Variants in ANKRD12 observed in about 807,000 individuals in gnomAD.
ANKRD12 encodes the protein ankyrin repeat domain 12, also known as ankyrin repeat domain-containing protein 12.
In ANKRD12, 85 loss-of-function variants were observed where a neutral mutation model predicts 183.4. The observed-to-expected ratio is 0.46, with a 90% CI of 0.39 to 0.56. ANKRD12 has a LOEUF of 0.56. ANKRD12 is among the 20% of genes least tolerant of loss of function. ANKRD12 has a pLI of 0.00. For missense variants in ANKRD12, 2,405 were observed against 2,357.1 expected, an observed-to-expected ratio of 1.02 and a Z score of -0.42; for synonymous variants, 914 against 800.2, an observed-to-expected ratio of 1.14 and a Z score of -2.40.
At chr18:9,175,623 G>A (rs529573324) in intron 1 of ANKRD12, among the ~76,000 whole-genome samples, 1 of 136,248 alleles carries the variant, frequency 7.3e-6, no homozygotes, top group East Asian at 2.3e-4. Flanking sequence ...TGCCTTGCTG[G>A]TTCAAGCAGT....
rs577562202 is a variant in ANKRD12, at chr18:9,284,374, AATAC to A, written c.*3252_*3255del. ...ATTTTAGAAATTGAGTGCAGACCTA[AATAC>A]ATAGTTTTCCAAAAAGAAAATTATT... On this transcript the variant is annotated 3_prime_UTR_variant, in exon 13 of 13. Coordinates refer to ENST00000262126, the MANE Select transcript of ANKRD12 (RefSeq NM_015208.5). 3 of 152,156 alleles carry A rather than the reference AATAC, an allele frequency of 2.0e-5. No homozygotes were observed. The highest frequency in any genetic ancestry group is 4.4e-5 in the Non-Finnish European group (3 of 68,016). The allele number at this position is 152,156 out of a possible 1,614,324, so 9.4% of individuals were successfully genotyped here. A position where few individuals can be genotyped will look rare whatever the true frequency, so the allele number is the denominator to read the frequency against.
intron 1 of ANKRD12, 45 bp from the exon 2 acceptor site, chr18:9,182,335 CTA>C: frequency 7.5e-6 from 5 of 663,342 alleles, no homozygotes; most frequent in Admixed American, 3.7e-5. Context: ...GGTGCGTAAC[CTA>C]TTGTATATAT....
intron 10 of ANKRD12, among the ~76,000 whole-genome samples, chr18:9,267,522 C>A (rs1460641212): frequency 6.6e-6 from 1 of 152,162 alleles, no homozygotes; most frequent in Non-Finnish European, 1.5e-5. Flanking sequence ...TGACTGACTA[C>A]TGGGTACATA....
chr18:9,200,651 C>G (rs1184234676), intron 3 of ANKRD12: 2 of 152,144 alleles, frequency 1.3e-5, no homozygotes, highest in African/African-American at 4.8e-5. Context: ...CTTTGTAAGT[C>G]CCAGCTTCCT....
chr18:9,223,181 G>A (rs1200189319), intron 8 of ANKRD12, among the ~76,000 whole-genome samples: 2 of 152,086 alleles, frequency 1.3e-5, no homozygotes, highest in Non-Finnish European at 2.9e-5. Flanking sequence ...CGCTTTGGGA[G>A]GCCAATGTGG....
chr18:9,192,955 A>T (rs942661790), intron 2 of ANKRD12, among the ~76,000 whole-genome samples: 2 of 151,918 alleles, frequency 1.3e-5, no homozygotes, highest in African/African-American at 2.4e-5. Context: ...GAGCATTGGG[A>T]TTACAGATTT....
intron 1 of ANKRD12, among the ~76,000 whole-genome samples, chr18:9,155,794 AC>A (rs1172393315): frequency 6.6e-6 from 1 of 151,712 alleles, no homozygotes; most frequent in African/African-American, 2.4e-5. Flanking sequence ...GATTTGTTAT[AC>A]CTCTTGGATT....
At chr18:9,278,897 C>T (rs1278591210) in intron 11 of ANKRD12, among the ~76,000 whole-genome samples, 1 of 152,004 alleles carries the variant, frequency 6.6e-6, no homozygotes, top group Non-Finnish European at 1.5e-5. Flanking sequence ...TTCCTGTGTA[C>T]CTAAGCATTA....
chr18:9,190,634 C>G (rs915254442), intron 2 of ANKRD12, among the ~76,000 whole-genome samples: 3 of 152,118 alleles, frequency 2.0e-5, no homozygotes, highest in Admixed American at 1.3e-4. Context: ...TTGTAATAGC[C>G]ACCCCAACCA....
chr18:9,255,752 A>G lies in ANKRD12; in HGVS notation c.2485A>G (p.Lys829Glu), dbSNP rs1213880759. 1 of 1,586,026 alleles carries G rather than the reference A, an allele frequency of 6.3e-7. No homozygotes were observed. Among genetic ancestry groups the G allele is most frequent in the South Asian group, 1.2e-5 (1 of 84,178 alleles). Residue 829 changes from lysine to glutamate, a missense_variant, in exon 9 of 13, where the codon AAA (lysine) becomes GAA (glutamate). Lys to Glu is a moderately conservative substitution (Grantham distance 56, BLOSUM62 1). Around this residue, in one of 7 missense-constraint regions of ANKRD12, gnomAD observed 1,983 missense variants for 1,725.9 expected, o/e 1.15. Transcript: ENST00000262126. ...KEKPEKRSQI[K>E]EKDIEKMERK... ...AAAACCTGAGAAGCGATCTCAAATT[A>G]AAGAAAAGGACATTGAGAAGATGGA...
intron 8 of ANKRD12, among the ~76,000 whole-genome samples, chr18:9,240,859 A>G (rs1001993090): frequency 8.5e-5 from 13 of 152,294 alleles, no homozygotes; most frequent in African/African-American, 2.9e-4. Context: ...CATAAAATAA[A>G]CAAAATGACC....
chr18:9,265,057 A>G (rs2039202996), intron 10 of ANKRD12, among the ~76,000 whole-genome samples: 2 of 152,088 alleles, frequency 1.3e-5, no homozygotes, highest in South Asian at 2.1e-4. Context: ...TCAAACCGCA[A>G]GGCGGGAGCG....
At chr18:9,223,186 A>C (rs374785042) in intron 8 of ANKRD12, among the ~76,000 whole-genome samples, 19 of 152,070 alleles carry the variant, frequency 1.2e-4, no homozygotes, top group African/African-American at 4.6e-4. Flanking sequence ...TGGGAGGCCA[A>C]TGTGGGCCAG....
At chr18:9,265,599 AC>A (rs2145334587) in intron 10 of ANKRD12, among the ~76,000 whole-genome samples, 1 of 152,346 alleles carries the variant, frequency 6.6e-6, no homozygotes, top group East Asian at 1.9e-4. Context: ...AACAGAAAGG[AC>A]ATCCACACCA....
chr18:9,144,351 A>G (rs146337909), intron 1 of ANKRD12, among the ~76,000 whole-genome samples: 2 of 152,272 alleles, frequency 1.3e-5, no homozygotes, highest in East Asian at 3.9e-4. Context: ...ATTTTATAGC[A>G]CCATTGTCCC....
chr18:9,158,802 C>G (rs1203673057), intron 1 of ANKRD12, among the ~76,000 whole-genome samples: 1 of 152,140 alleles, frequency 6.6e-6, no homozygotes, highest in Non-Finnish European at 1.5e-5. Flanking sequence ...ATCTGCAGTT[C>G]TTCATGGAAG....
chr18:9,230,789 G>T (rs1857444718), intron 8 of ANKRD12, among the ~76,000 whole-genome samples: 1 of 151,902 alleles, frequency 6.6e-6, no homozygotes, highest in Admixed American at 6.6e-5. Context: ...CTCCCGAGCA[G>T]CTGGGACTAC....
chr18:9,140,606 C>T (rs1047152276), intron 1 of ANKRD12, among the ~76,000 whole-genome samples: 1 of 152,128 alleles, frequency 6.6e-6, no homozygotes, highest in Non-Finnish European at 1.5e-5. Flanking sequence ...TGCTAGTTTT[C>T]AGGTACGCAA....
At chr18:9,192,215 G>C (rs928822405) in intron 2 of ANKRD12, among the ~76,000 whole-genome samples, 3 of 152,102 alleles carry the variant, frequency 2.0e-5, no homozygotes, top group Non-Finnish European at 4.4e-5. Flanking sequence ...AGCTCCATTG[G>C]CAGAAGTGAA....
Sources: allele counts gnomAD v4.1 joint callset (sites outside exome capture counted in the v4.1 genomes callset), GRCh38; gene constraint gnomAD v4.1.1; regional missense constraint gnomAD v4.1.1; transcripts MANE v1.5; gene names NCBI Gene and HGNC (gene_info 2026-07-23, HGNC 2026-07-21).